UHRF1: variants seen among roughly 807,000 people sequenced by gnomAD.
UHRF1 encodes the protein E3 ubiquitin-protein ligase UHRF1.
A neutral mutation model predicts 96.5 loss-of-function variants in UHRF1; 9 were observed. The ratio of observed to expected loss-of-function variants is 0.09; its 90% CI spans 0.06 to 0.16. The LOEUF is 0.16. Among genes scored for constraint, UHRF1 ranks in the 10% least tolerant of loss-of-function variants. The pLI is 1.00. For synonymous variants in UHRF1, 455 were observed against 469.9 expected, an observed-to-expected ratio of 0.97 and a Z score of 0.41; for missense variants, 626 against 1,131.1, an observed-to-expected ratio of 0.55 and a Z score of 6.40.
At chr19:4,926,648 C>T (rs1009983544) in intron 2 of UHRF1, among the ~76,000 whole-genome samples, 2 of 152,076 alleles carry the variant, frequency 1.3e-5, no homozygotes, top group Non-Finnish European at 2.9e-5. Flanking sequence ...TGCCTGTGGT[C>T]CCAGCCACTC....
chr19:4,917,070 T>TCGG (rs1465584635), intron 2 of UHRF1, among the ~76,000 whole-genome samples: 1 of 69,580 alleles, frequency 1.4e-5, no homozygotes, highest in African/African-American at 5.3e-5. Flanking sequence ...GGCAGCTCGG[T>TCGG]GGGGGGGGGG....
At chr19:4,950,487 G>T in intron 11 of UHRF1, 124 bp from the exon 12 acceptor site, 1 of 1,028,552 alleles carries the variant, frequency 9.7e-7, no homozygotes, top group Non-Finnish European at 1.4e-6. Flanking sequence ...CAGGCGATCT[G>T]CCTACTTCAG....
At chr19:4,909,317 G>T, upstream of UHRF1, 1 of 556,172 alleles carries the variant, frequency 1.8e-6, no homozygotes, top group Non-Finnish European at 3.1e-6. Flanking sequence ...AGCAGAGCGC[G>T]CAGGGCTGGG....
chr19:4,946,394 G>A (rs921455033), intron 10 of UHRF1, among the ~76,000 whole-genome samples: 1 of 152,130 alleles, frequency 6.6e-6, no homozygotes, highest in Non-Finnish European at 1.5e-5. Flanking sequence ...CTGCCGTGCG[G>A]AGGGACCATG....
intron 11 of UHRF1, among the ~76,000 whole-genome samples, chr19:4,949,287 G>A (rs2033654672): frequency 1.3e-5 from 2 of 152,250 alleles, no homozygotes; most frequent in East Asian, 1.9e-4. Flanking sequence ...TCCACTGTTG[G>A]TAGAAATACA....
chr19:4,908,168 A>G (rs2032109997), upstream of UHRF1, among the ~76,000 whole-genome samples: 1 of 152,128 alleles, frequency 6.6e-6, no homozygotes. Flanking sequence ...TAACTGAATC[A>G]CACCTGCAAA....
chr19:4,956,112 G>C (rs575942509), intron 15 of UHRF1, among the ~76,000 whole-genome samples: 9 of 152,140 alleles, frequency 5.9e-5, no homozygotes, highest in African/African-American at 1.9e-4. Context: ...TGTATTTTTA[G>C]TAGGGATGGG....
intron 16 of UHRF1, among the ~76,000 whole-genome samples, chr19:4,957,977 G>A (rs144278000): frequency 1.8e-3 from 278 of 152,340 alleles, no homozygotes; most frequent in South Asian, 3.9e-3. Flanking sequence ...AGTTGCTGGC[G>A]GTTTTCCTTC....
chr19:4,939,080 AT>A (rs34135103), intron 5 of UHRF1, among the ~76,000 whole-genome samples: 1 of 147,840 alleles, frequency 6.8e-6, no homozygotes, highest in African/African-American at 2.5e-5. Flanking sequence ...CACCTGGCTC[AT>A]TTTTTTTTGT....
chr19:4,930,910 C>A lies in UHRF1; in HGVS notation c.569+34C>A. On this transcript the variant is annotated intron_variant, in intron 4 of 16. Transcript: ENST00000650932. The surrounding 1 kb of genome is among the most constrained non-coding windows in gnomAD (Gnocchi z 4.4). ...TGGCAGGTGGGCGGGCCTGGGTATT[C>A]AGGCTCTGTGACGCGCATCCTTGGC... 6.2e-7 allele frequency: 1 copy of A among 1,611,318 alleles called. No individual in the cohort carries two copies. Among genetic ancestry groups the A allele is most frequent in the Non-Finnish European group, 8.5e-7 (1 of 1,178,320 alleles).
chr19:4,924,473 G>A (rs2032804057), intron 2 of UHRF1, among the ~76,000 whole-genome samples: 2 of 152,048 alleles, frequency 1.3e-5, no homozygotes, highest in Admixed American at 6.6e-5. Flanking sequence ...TAGTGGAGAC[G>A]GGGTTTGGCA....
rs540524124 is a variant in UHRF1, at chr19:4,911,601, G to C, written c.153+563G>C. Among the ~76,000 whole-genome samples the C allele has an allele frequency of 2.0e-4, 31 of 152,302 alleles. 1 individual carries two copies. Among genetic ancestry groups the C allele is most frequent in the African/African-American group, 7.2e-4 (30 of 41,572 alleles). On this transcript the variant is annotated intron_variant, in intron 2 of 16. Transcript: ENST00000650932. ...GCTGCGGCTGCTGCTGACCTGGGGC[G>C]TGTGGTCCCCGAGGGGTCCACCGAC...
rs766241393 is a variant in UHRF1 at position 4,948,537 on chromosome 19, G to T, written c.1517+1326G>T. On this transcript the variant is annotated intron_variant, in intron 11 of 16. Transcript: ENST00000650932. ...AGAAGAGCTGGGTGCGGTGGCTCAC[G>T]CCTGTAATCCCAGCACTTTGAGAGG... Among the ~76,000 whole-genome samples the T allele has an allele frequency of 2.6e-4, 39 of 152,130 alleles. 1 individual carries two copies. Among genetic ancestry groups the T allele is most frequent in the Admixed American group, 3.9e-4 (6 of 15,270 alleles).
chr19:4,923,787 C>G (rs1323257570), intron 2 of UHRF1, among the ~76,000 whole-genome samples: 3 of 152,192 alleles, frequency 2.0e-5, no homozygotes, highest in Non-Finnish European at 4.4e-5. Flanking sequence ...TAGCACCCTG[C>G]AGGGCCCAGG....
intron 4 of UHRF1, 28 bp from the exon 5 acceptor site, chr19:4,932,713 G>C: frequency 6.2e-7 from 1 of 1,610,062 alleles, no homozygotes; most frequent in South Asian, 1.1e-5. Context: ...TCTTAGCACG[G>C]GGTCTAAGGC....
At position 4,947,519 on chromosome 19, in the gene UHRF1, T is replaced by TTTG. The variant is rs1568428019; in HGVS notation, c.1517+308_1517+309insTTG. ...TTTTTTTTTTTTTTTTTTTTTTTTT[T>TTTG]GGGCAGAGTCTCGCTCTGTTGCCCA... On this transcript the variant is annotated intron_variant, in intron 11 of 16. Coordinates refer to ENST00000650932, the MANE Select transcript of UHRF1 (RefSeq NM_001048201.3). 3.8e-5 allele frequency among the ~76,000 whole-genome samples: 5 copies of TTTG among 132,124 alleles called. No homozygotes were observed. In the South Asian group the frequency reaches 7.8e-4, roughly 21 times the overall value. The allele number at this position is 132,124 out of a possible 152,430, so 86.7% of individuals were successfully genotyped here. A position where few individuals can be genotyped will look rare whatever the true frequency, so the allele number is the denominator to read the frequency against.
intron 10 of UHRF1, among the ~76,000 whole-genome samples, chr19:4,946,649 A>G (rs909266883): frequency 2.0e-5 from 3 of 151,120 alleles, no homozygotes; most frequent in African/African-American, 7.3e-5. Context: ...ATCACAGCTC[A>G]CTACAGCCAC....
intron 11 of UHRF1, among the ~76,000 whole-genome samples, chr19:4,949,229 T>C (rs1389143980): frequency 2.0e-5 from 3 of 152,142 alleles, no homozygotes; most frequent in Non-Finnish European, 4.4e-5. Context: ...CCTATAAAGT[T>C]GGCCAAAAAT....
chr19:4,941,090 T>TG lies in UHRF1; in HGVS notation c.786-438_786-437insG, dbSNP rs1244446952. ...AACTCTGGTTTCTGTGTTTTGTTTT[T>TG]TTTTTTTTTTTTTTTTTTGAGACTG... On this transcript the variant is annotated intron_variant, in intron 5 of 16. Transcript: ENST00000650932. Among the ~76,000 whole-genome samples the TG allele has an allele frequency of 6.2e-4, 85 of 136,510 alleles. 1 individual carries two copies. Among genetic ancestry groups the TG allele is most frequent in the African/African-American group, 2.3e-3 (81 of 35,676 alleles). The allele number at this position is 136,510 out of a possible 152,430, so 89.6% of individuals were successfully genotyped here. A position where few individuals can be genotyped will look rare whatever the true frequency, so the allele number is the denominator to read the frequency against.
Sources: gnomAD v4.1 joint callset for allele counts (sites outside exome capture counted in the v4.1 genomes callset) on GRCh38, gnomAD v4.1.1 for gene constraint, Gnocchi (gnomAD v3.1) non-coding constraint, MANE v1.5 for transcripts, NCBI Gene and HGNC (gene_info 2026-07-23, HGNC 2026-07-21) for gene names.